The following DMD variants were observed in gnomAD, a reference collection of about 807,000 sequenced individuals.
The protein encoded by DMD is mutant dystrophin.
DMD carries 63 observed loss-of-function variants against 330.1 expected under a neutral mutation model. The observed-to-expected ratio is 0.19, with a 90% CI of 0.16 to 0.24. The LOEUF (loss-of-function observed/expected upper bound fraction) is 0.24. Ranked by LOEUF, DMD falls within the 10% of genes least tolerant of loss-of-function variation. The pLI, the probability that DMD is intolerant of heterozygous loss-of-function variation, is 1.00. For missense variants in DMD, 3,344 were observed against 2,684.1 expected, an observed-to-expected ratio of 1.25 and a Z score of -5.43; for synonymous variants, 1,223 against 959.8, an observed-to-expected ratio of 1.27 and a Z score of -5.07.
intron 34 of DMD, among the ~76,000 whole-genome samples, chrX:32,377,784 TA>T (rs1052805631): frequency 2.7e-5 from 3 of 111,593 alleles, no homozygotes; most frequent in African/African-American, 6.5e-5. Context: ...CATGCCTGTA[TA>T]AAAATGTCTC....
intron 2 of DMD, among the ~76,000 whole-genome samples, chrX:32,917,891 T>C (rs1476155369): frequency 9.1e-6 from 1 of 109,986 alleles, no homozygotes; most frequent in African/African-American, 3.4e-5. Flanking sequence ...AAGAAGCTTA[T>C]GATAGCTTTC....
chrX:31,701,477 T>C (rs996720374), intron 52 of DMD, among the ~76,000 whole-genome samples: 54 of 111,897 alleles, frequency 4.8e-4, no homozygotes, highest in African/African-American at 1.7e-3. Context: ...CAGATTTAGG[T>C]GTCCCTCCTA....
chrX:31,192,740 G>A (rs1264572772), intron 67 of DMD, among the ~76,000 whole-genome samples: 6 of 111,823 alleles, frequency 5.4e-5, no homozygotes, highest in East Asian at 5.6e-4. Context: ...GATTATCTAC[G>A]ATTTTAATAC....
At chrX:31,862,622 C>T (rs1178211414) in intron 48 of DMD, among the ~76,000 whole-genome samples, 2 of 112,410 alleles carry the variant, frequency 1.8e-5, no homozygotes, top group Non-Finnish European at 1.9e-5. Flanking sequence ...GAAAACAACA[C>T]TTAAGCATAC....
intron 44 of DMD, among the ~76,000 whole-genome samples, chrX:31,989,696 T>C (rs2095536434): frequency 8.9e-6 from 1 of 111,821 alleles, no homozygotes; most frequent in Non-Finnish European, 1.9e-5. Flanking sequence ...GAAATGAACT[T>C]ATATACAATG....
rs147883818 is a variant in DMD at position 32,091,639 on chromosome X, A to G, written c.6439-123125T>C. On this transcript the variant is annotated intron_variant, in intron 44 of 78. Coordinates refer to ENST00000357033, the MANE Select transcript of DMD (RefSeq NM_004006.3). The stretch of plus-strand genomic sequence containing the variant: ...ATCTAATCCACAGGTTTTTAAAGTT[A>G]CAGTTAATAATCATGTTACTGAAAA... Among the ~76,000 whole-genome samples, 559 of 111,838 alleles carry G rather than the reference A, an allele frequency of 5.0e-3. 3 individuals are homozygous for G. Among genetic ancestry groups the G allele is most frequent in the African/African-American group, 0.017 (525 of 30,842 alleles).
intron 1 of DMD, among the ~76,000 whole-genome samples, chrX:33,153,643 A>C (rs952820619): frequency 2.7e-5 from 3 of 112,663 alleles, no homozygotes; most frequent in African/African-American, 9.7e-5. Context: ...TTGTTTAAAA[A>C]TACATTAAAT....
At position 31,228,001 on chromosome X, in the gene DMD, G is replaced by A. The variant is rs774201960; in HGVS notation, c.9287-4880C>T. Among the ~76,000 whole-genome samples the A allele has an allele frequency of 3.9e-3, 410 of 104,482 alleles. 1 individual carries two copies. Among genetic ancestry groups the A allele is most frequent in the African/African-American group, 0.013 (372 of 28,335 alleles). The allele number at this position is 104,482 out of a possible 115,157, so 90.7% of individuals were successfully genotyped here. A position where few individuals can be genotyped will look rare whatever the true frequency, so the allele number is the denominator to read the frequency against. ...AAATCATCATTCTCAGTAAACTATC[G>A]CAAGAACAAAAAACCAAACACCGCA... On this transcript the variant is annotated intron_variant, in intron 63 of 78. Transcript: ENST00000357033.
At chrX:32,933,186 T>C (rs146499008) in intron 2 of DMD, among the ~76,000 whole-genome samples, 1,777 of 111,343 alleles carry the variant, frequency 0.016, 35 homozygotes, top group African/African-American at 0.055. Context: ...AAAAAATATT[T>C]GTAAAGGGGA....
intron 17 of DMD, among the ~76,000 whole-genome samples, chrX:32,536,457 G>C (rs1249767174): frequency 4.5e-5 from 5 of 111,078 alleles, no homozygotes; most frequent in Non-Finnish European, 9.4e-5. Context: ...AGAAAGCACA[G>C]AGCATTTGGA....
chrX:32,010,397 C>T (rs114667807), intron 44 of DMD, among the ~76,000 whole-genome samples: 2,033 of 111,360 alleles, frequency 0.018, 65 homozygotes, highest in African/African-American at 0.063. Flanking sequence ...ATTTGTGCAA[C>T]AAAATTTGCC....
intron 53 of DMD, among the ~76,000 whole-genome samples, chrX:31,662,800 G>A (rs941775676): frequency 3.6e-5 from 4 of 111,818 alleles, no homozygotes; most frequent in Non-Finnish European, 5.6e-5. Flanking sequence ...TTGTCCTGAA[G>A]TGTCAAAATC....
chrX:32,678,647 G>A (rs1365781247), intron 9 of DMD, among the ~76,000 whole-genome samples: 1 of 111,211 alleles, frequency 9.0e-6, no homozygotes, highest in Non-Finnish European at 1.9e-5. Flanking sequence ...ACACTAACAT[G>A]TGATCCCTTC....
chrX:32,247,512 C>T (rs957542579), intron 43 of DMD, among the ~76,000 whole-genome samples: 7 of 112,003 alleles, frequency 6.2e-5, no homozygotes, highest in African/African-American at 2.3e-4. Flanking sequence ...GATTCAGAGA[C>T]ACATTTGGTC....
chrX:32,384,357 G>C (rs1053506721), intron 33 of DMD, among the ~76,000 whole-genome samples: 1 of 92,364 alleles, frequency 1.1e-5, no homozygotes, highest in South Asian at 3.8e-4. Context: ...TTCTCTAGAG[G>C]ATATAAAGGT....
chrX:31,352,682 G>A (rs1311696196), intron 60 of DMD, among the ~76,000 whole-genome samples: 3 of 112,171 alleles, frequency 2.7e-5, no homozygotes, highest in Admixed American at 9.5e-5. Flanking sequence ...GAGAAGGTAT[G>A]ACAGCGAGAA....
At chrX:32,826,996 A>G (rs978891866) in intron 4 of DMD, among the ~76,000 whole-genome samples, 8 of 108,712 alleles carry the variant, frequency 7.4e-5, no homozygotes, top group Admixed American at 1.0e-4. Flanking sequence ...GTTATATGGT[A>G]AATTTTACAT....
intron 55 of DMD, among the ~76,000 whole-genome samples, chrX:31,530,604 G>A (rs1222889338): frequency 1.9e-5 from 2 of 104,717 alleles, no homozygotes; most frequent in African/African-American, 3.5e-5. Flanking sequence ...GTCAAGCAGT[G>A]GGTAACCTTG....
chrX:33,287,576 A>T (rs774734409), intron 1 of DMD, among the ~76,000 whole-genome samples: 3 of 111,689 alleles, frequency 2.7e-5, no homozygotes, highest in African/African-American at 9.7e-5. Context: ...TTTTGAGCTG[A>T]ATTATGATAC....
Sources: allele counts gnomAD v4.1 joint callset (sites outside exome capture counted in the v4.1 genomes callset), GRCh38; gene constraint gnomAD v4.1.1; transcripts MANE v1.5; gene names NCBI Gene and HGNC (gene_info 2026-07-23, HGNC 2026-07-21).